Variants in CCDC148 observed in about 807,000 individuals in gnomAD.
CCDC148 encodes the protein coiled-coil domain containing 148, also known as coiled-coil domain-containing protein 148.
Under a neutral mutation model 85.7 loss-of-function variants are expected in CCDC148, and 89 were observed. The ratio of observed to expected loss-of-function variants is 1.04; its 90% CI spans 0.87 to 1.24. CCDC148 has a LOEUF of 1.24. Ranked by LOEUF, CCDC148 falls within the 50% of genes most tolerant of loss-of-function variation. The pLI is 0.00. For missense variants in CCDC148, 692 were observed against 671.7 expected (o/e 1.03, Z -0.33); for synonymous variants, 230 against 213.9 (o/e 1.08, Z -0.66).
chr2:158,329,904 T>G (rs1362411473), intron 7 of CCDC148, among the ~76,000 whole-genome samples: 1 of 152,234 alleles, frequency 6.6e-6, no homozygotes, highest in Non-Finnish European at 1.5e-5. Flanking sequence ...TAAGGAGATT[T>G]TGGGCTGAGA....
At chr2:158,419,461 G>T (rs188245573) in intron 1 of CCDC148, among the ~76,000 whole-genome samples, 3 of 152,246 alleles carry the variant, frequency 2.0e-5, no homozygotes, top group Non-Finnish European at 2.9e-5. Context: ...AGTAGGAAGG[G>T]TATATATTGG....
In CCDC148 at chr2:158,404,543, A is replaced by G. The variant is rs535771929; in HGVS notation, c.26-45973T>C. On this transcript the variant is annotated intron_variant, in intron 1 of 13. Coordinates refer to ENST00000283233, the MANE Select transcript of CCDC148 (RefSeq NM_138803.4). The stretch of plus-strand genomic sequence containing the variant: ...AAATTTAAACAGTTCAAACTCTTGA[A>G]ACATCACTTTTTACAAGACTTTAAA... Among the ~76,000 whole-genome samples, 5 of 152,304 alleles carry G rather than the reference A, an allele frequency of 3.3e-5. 1 individual carries two copies. Among genetic ancestry groups the G allele is most frequent in the African/African-American group, 1.2e-4 (5 of 41,586 alleles).
chr2:158,275,969 C>T (rs1184934848), intron 9 of CCDC148, among the ~76,000 whole-genome samples: 1 of 150,768 alleles, frequency 6.6e-6, no homozygotes, highest in Non-Finnish European at 1.5e-5. Context: ...TCCTGAAAGG[C>T]TTTAAAAAAT....
intron 1 of CCDC148, among the ~76,000 whole-genome samples, chr2:158,443,482 C>T (rs561586953): frequency 4.1e-4 from 41 of 99,272 alleles, no homozygotes; most frequent in African/African-American, 1.3e-3. Flanking sequence ...CCAGCCTGGG[C>T]GACAGAGCAA....
At chr2:158,241,740 A>G (rs1055279400) in intron 10 of CCDC148, among the ~76,000 whole-genome samples, 22 of 152,192 alleles carry the variant, frequency 1.4e-4, no homozygotes, top group South Asian at 6.2e-4. Context: ...CAAATGCCAC[A>G]TAGTACTATG....
chr2:158,197,913 A>G (rs370136948), intron 11 of CCDC148, among the ~76,000 whole-genome samples: 21 of 152,102 alleles, frequency 1.4e-4, no homozygotes, highest in Non-Finnish European at 1.5e-4. Flanking sequence ...TGAATTAATC[A>G]ATTAATTCTA....
At chr2:158,173,785 G>A (rs1684434441) in intron 13 of CCDC148, among the ~76,000 whole-genome samples, 1 of 151,984 alleles carries the variant, frequency 6.6e-6, no homozygotes, top group South Asian at 2.1e-4. Flanking sequence ...CTGCTCTCAT[G>A]TGCTCCAGTG....
intron 1 of CCDC148, among the ~76,000 whole-genome samples, chr2:158,382,156 G>A (rs183585725): frequency 6.6e-5 from 10 of 152,160 alleles, no homozygotes; most frequent in African/African-American, 2.4e-4. Context: ...AGCTCTCATC[G>A]CCAAATGCTG....
At chr2:158,410,845 G>T (rs1195877537) in intron 1 of CCDC148, among the ~76,000 whole-genome samples, 1 of 151,964 alleles carries the variant, frequency 6.6e-6, no homozygotes, top group Non-Finnish European at 1.5e-5. Context: ...GCATATTTTT[G>T]TTTGAAATTG....
Position 158,192,547 on chromosome 2 carries a change from T to C in CCDC148, c.1371-13551A>G, listed in dbSNP as rs150685660. On this transcript the variant is annotated intron_variant, in intron 11 of 13. Coordinates refer to ENST00000283233, the MANE Select transcript of CCDC148 (RefSeq NM_138803.4). ...TTACAATGGCCAAGCGTTGGCCATC[T>C]AGACACAGCTAACAAAGGACACCAA... 8.8e-3 allele frequency among the ~76,000 whole-genome samples: 1,333 copies of C among 152,218 alleles called. 3 individuals are homozygous for C. The highest frequency in any genetic ancestry group is 0.015 in the Non-Finnish European group (993 of 67,986).
intron 9 of CCDC148, among the ~76,000 whole-genome samples, chr2:158,257,044 A>G (rs1237361198): frequency 6.6e-6 from 1 of 151,462 alleles, no homozygotes; most frequent in Non-Finnish European, 1.5e-5. Flanking sequence ...AGTTAGATTG[A>G]CAGTATTTTC....
chr2:158,219,179 G>GA (rs1476658284), intron 11 of CCDC148, among the ~76,000 whole-genome samples: 2 of 152,312 alleles, frequency 1.3e-5, no homozygotes, highest in African/African-American at 4.8e-5. Context: ...AGAGTTCCAG[G>GA]AAATTTTTTT....
At chr2:158,203,164 T>C (rs1686055178) in intron 11 of CCDC148, among the ~76,000 whole-genome samples, 2 of 151,082 alleles carry the variant, frequency 1.3e-5, no homozygotes, top group South Asian at 4.2e-4. Context: ...CATTGTCTTA[T>C]TTGCTCCCTT....
chr2:158,244,431 A>T (rs1349254929), intron 10 of CCDC148, among the ~76,000 whole-genome samples: 1 of 152,062 alleles, frequency 6.6e-6, no homozygotes, highest in Non-Finnish European at 1.5e-5. Flanking sequence ...CTGAGTTCTC[A>T]CCTGGAGAAA....
At chr2:158,278,336 G>A (rs991538534) in intron 9 of CCDC148, among the ~76,000 whole-genome samples, 6 of 152,080 alleles carry the variant, frequency 3.9e-5, no homozygotes, top group Non-Finnish European at 5.9e-5. Context: ...TGCCTCACTC[G>A]GGATGCGAAA....
At chr2:158,426,668 T>C (rs955119391) in intron 1 of CCDC148, among the ~76,000 whole-genome samples, 6 of 152,218 alleles carry the variant, frequency 3.9e-5, no homozygotes, top group African/African-American at 1.2e-4. Context: ...GATTGGCACA[T>C]GTGTCCGCAT....
intron 1 of CCDC148, chr2:158,366,045 T>G: frequency 6.5e-7 from 1 of 1,543,478 alleles, no homozygotes; most frequent in Admixed American, 2.0e-5. Flanking sequence ...TTGTCATGAA[T>G]GGTTGGTCTC....
intron 9 of CCDC148, among the ~76,000 whole-genome samples, chr2:158,279,773 G>A (rs1233525286): frequency 4.0e-5 from 6 of 151,798 alleles, no homozygotes; most frequent in African/African-American, 1.5e-4. Flanking sequence ...GAAATACAGA[G>A]AACGCCACAA....
Position 158,340,579 on chromosome 2 carries a change from A to G in CCDC148, c.334+19T>C. The stretch of plus-strand genomic sequence containing the variant: ...CAAAATAAAACTCCCCTTTAAATAT[A>G]GGATCAAAAAAATCTTACCAAAATT... On this transcript the variant is annotated intron_variant, in intron 4 of 13. Coordinates refer to ENST00000283233, the MANE Select transcript of CCDC148 (RefSeq NM_138803.4). 1 of 1,544,504 alleles carries G rather than the reference A, an allele frequency of 6.5e-7. No homozygotes were observed. The highest frequency in any genetic ancestry group is 1.9e-5 in the Admixed American group (1 of 53,810).
Sources: allele counts gnomAD v4.1 joint callset (sites outside exome capture counted in the v4.1 genomes callset), GRCh38; gene constraint gnomAD v4.1.1; transcripts MANE v1.5; gene names NCBI Gene and HGNC (gene_info 2026-07-23, HGNC 2026-07-21).